Variants in CADM2 observed in about 807,000 individuals in gnomAD.
CADM2 encodes immunoglobulin superfamily member 4D.
A neutral mutation model predicts 49.8 loss-of-function variants in CADM2; 12 were observed. The observed-to-expected ratio is 0.24, with a 90% CI of 0.15 to 0.39. The LOEUF (loss-of-function observed/expected upper bound fraction) is 0.39. Ranked by LOEUF, CADM2 falls within the 10% of genes least tolerant of loss-of-function variation. CADM2 has a pLI of 1.00. For synonymous variants in CADM2, 214 were observed against 175.4 expected (o/e 1.22, Z -1.74); for missense variants, 378 against 492.3 (o/e 0.77, Z 2.20).
At chr3:85,484,086 A>G (rs1164359790) in intron 1 of CADM2, among the ~76,000 whole-genome samples, 1 of 151,916 alleles carries the variant, frequency 6.6e-6, no homozygotes, top group Non-Finnish European at 1.5e-5. Context: ...GCCTGGAGGC[A>G]TATCCCATGT....
At chr3:85,054,157 TAAAAC>T (rs947658783) in intron 1 of CADM2, among the ~76,000 whole-genome samples, 19 of 151,802 alleles carry the variant, frequency 1.3e-4, no homozygotes, top group Admixed American at 9.2e-4. Context: ...TGCAAGGACT[TAAAAC>T]AAGAAGAAAG....
intron 1 of CADM2, among the ~76,000 whole-genome samples, chr3:85,282,281 T>C (rs1460988023): frequency 1.4e-5 from 2 of 148,050 alleles, no homozygotes; most frequent in Admixed American, 6.8e-5. Context: ...TTTTTTTTTT[T>C]CGGACAGTCT....
At chr3:85,697,405 A>T (rs1577108031) in intron 1 of CADM2, among the ~76,000 whole-genome samples, 1 of 152,136 alleles carries the variant, frequency 6.6e-6, no homozygotes, top group South Asian at 2.1e-4. Context: ...TGAAGTAGAT[A>T]TACAATATTG....
At chr3:85,654,562 G>A (rs759508885) in intron 1 of CADM2, among the ~76,000 whole-genome samples, 9 of 152,110 alleles carry the variant, frequency 5.9e-5, no homozygotes, top group Non-Finnish European at 1.2e-4. Context: ...AAGTGATAGA[G>A]GTTTGATAGT....
Position 85,905,615 on chromosome 3 carries a change from G to A in CADM2, c.530-6758G>A, listed in dbSNP as rs1030782976. On this transcript the variant is annotated intron_variant, in intron 5 of 9. Coordinates refer to ENST00000383699, the MANE Select transcript of CADM2 (RefSeq NM_001167675.2). The stretch of plus-strand genomic sequence containing the variant: ...AAATTAGGAATTTCTGCAGACGAAA[G>A]AAAGAAAAGAGAGCAGAAGGGAGAG... Among the ~76,000 whole-genome samples the A allele has an allele frequency of 5.4e-4, 82 of 151,636 alleles. 3 individuals are homozygous for A. The highest frequency in any genetic ancestry group is 5.9e-5 in the Non-Finnish European group (4 of 67,824).
At chr3:85,038,225 T>G (rs1420959347) in intron 1 of CADM2, among the ~76,000 whole-genome samples, 2 of 152,244 alleles carry the variant, frequency 1.3e-5, no homozygotes, top group Admixed American at 1.3e-4. Flanking sequence ...ATCATCATTT[T>G]GTGAGACCTG....
intron 1 of CADM2, among the ~76,000 whole-genome samples, chr3:85,344,886 C>T (rs1436438292): frequency 1.3e-5 from 2 of 151,982 alleles, no homozygotes; most frequent in Non-Finnish European, 2.9e-5. Context: ...CAAAAATAAC[C>T]TAAGAACCTG....
At chr3:86,019,587 C>A (rs1471160739) in intron 8 of CADM2, among the ~76,000 whole-genome samples, 1 of 150,170 alleles carries the variant, frequency 6.7e-6, no homozygotes, top group Non-Finnish European at 1.5e-5. Context: ...TTGAAGAGGT[C>A]CTTCACATCC....
intron 1 of CADM2, among the ~76,000 whole-genome samples, chr3:85,378,404 T>C (rs148500537): frequency 6.6e-6 from 1 of 152,176 alleles, no homozygotes; most frequent in East Asian, 1.9e-4. Flanking sequence ...TCCACCCTTG[T>C]CTTTTCTAAA....
chr3:86,021,850 T>C (rs1357757622), intron 8 of CADM2, among the ~76,000 whole-genome samples: 1 of 152,032 alleles, frequency 6.6e-6, no homozygotes, highest in Non-Finnish European at 1.5e-5. Flanking sequence ...TGGAAAGATA[T>C]AAGTCAAGAG....
At chr3:85,275,206 T>C (rs2106862635) in intron 1 of CADM2, among the ~76,000 whole-genome samples, 1 of 151,748 alleles carries the variant, frequency 6.6e-6, no homozygotes, top group Non-Finnish European at 1.5e-5. Flanking sequence ...ATGGCAATAT[T>C]ATTGAACTTG....
intron 1 of CADM2, among the ~76,000 whole-genome samples, chr3:85,543,357 C>T (rs1030473101): frequency 2.6e-5 from 4 of 151,062 alleles, no homozygotes; most frequent in African/African-American, 7.3e-5. Flanking sequence ...CAGGCTCAAG[C>T]GATTCTCCTG....
chr3:85,701,751 G>A (rs1212819667), intron 1 of CADM2, among the ~76,000 whole-genome samples: 2 of 152,088 alleles, frequency 1.3e-5, no homozygotes, highest in Non-Finnish European at 2.9e-5. Context: ...CCCAGAATGA[G>A]GCCATAGAAA....
intron 1 of CADM2, among the ~76,000 whole-genome samples, chr3:85,524,892 T>C (rs189715165): frequency 1.2e-4 from 18 of 152,320 alleles, no homozygotes; most frequent in Admixed American, 1.1e-3. Flanking sequence ...TAAGAGATTA[T>C]ATTCTTCATT....
chr3:85,530,176 T>TC, intron 1 of CADM2, among the ~76,000 whole-genome samples: 1 of 152,114 alleles, frequency 6.6e-6, no homozygotes, highest in Non-Finnish European at 1.5e-5. Context: ...GTCTGACAGT[T>TC]CCTTTTTCAC....
chr3:85,289,237 G>C lies in CADM2; in HGVS notation c.61+329569G>C, dbSNP rs909055806. Among the ~76,000 whole-genome samples, 7 of 152,072 alleles carry C rather than the reference G, an allele frequency of 4.6e-5. No individual in the cohort carries two copies. The East Asian group carries it at 1.4e-3, about 29-fold the overall frequency. Reference sequence around the variant, plus strand: ...ACTTTCATTCAAATTATAACATTCTGTCTCCACATTACTAATTATGGAGGG... The same window carrying C: ...ACTTTCATTCAAATTATAACATTCTCTCTCCACATTACTAATTATGGAGGG... On this transcript the variant is annotated intron_variant, in intron 1 of 9. Transcript: ENST00000383699.
chr3:85,029,369 G>A (rs2034879404), intron 1 of CADM2, among the ~76,000 whole-genome samples: 1 of 152,158 alleles, frequency 6.6e-6, no homozygotes, highest in African/African-American at 2.4e-5. Flanking sequence ...TTTCTATGGT[G>A]TGGTAATAGT....
At chr3:85,032,544 A>G (rs1327693903) in intron 1 of CADM2, among the ~76,000 whole-genome samples, 1 of 152,208 alleles carries the variant, frequency 6.6e-6, no homozygotes, top group Non-Finnish European at 1.5e-5. Context: ...TTAAATATAT[A>G]CATTTAATCT....
At chr3:85,327,931 A>AGCCTC (rs746711190) in intron 1 of CADM2, among the ~76,000 whole-genome samples, 3 of 152,314 alleles carry the variant, frequency 2.0e-5, no homozygotes, top group Non-Finnish European at 1.5e-5. Context: ...CAATTTACTT[A>AGCCTC]AACAGCTAAA....
Sources: allele counts gnomAD v4.1 joint callset (sites outside exome capture counted in the v4.1 genomes callset), GRCh38; gene constraint gnomAD v4.1.1; transcripts MANE v1.5; gene names NCBI Gene and HGNC (gene_info 2026-07-23, HGNC 2026-07-21).